Variants in FSCN3 observed in about 807,000 individuals in gnomAD.
FSCN3 encodes fascin-3.
FSCN3 carries 43 observed loss-of-function variants against 53.5 expected under a neutral mutation model. That is an observed-to-expected ratio of 0.80 (90% CI 0.63 to 1.04). FSCN3 has a LOEUF of 1.04. Among genes scored for constraint, FSCN3 ranks in the 50% least tolerant of loss-of-function variants. The probability of loss-of-function intolerance (pLI) is 0.00; values close to 1 mark genes in which losing one functional copy is unlikely to be tolerated. For synonymous variants in FSCN3, 235 were observed against 246.6 expected, an observed-to-expected ratio of 0.95 and a Z score of 0.44; for missense variants, 594 against 646.5, an observed-to-expected ratio of 0.92 and a Z score of 0.88.
chr7:127,600,665 G>A (rs1794460056), intron 6 of FSCN3, among the ~76,000 whole-genome samples: 1 of 152,202 alleles, frequency 6.6e-6, no homozygotes, highest in South Asian at 2.1e-4. Flanking sequence ...GCTTGGAGGG[G>A]ACAGGGTGAG....
chr7:127,599,532 G>A lies in FSCN3; in HGVS notation c.1272G>A (p.Pro424=), dbSNP rs763725735. 16 of 1,613,850 alleles carry A rather than the reference G, an allele frequency of 9.9e-6. No individual in the cohort carries two copies. The highest frequency in any genetic ancestry group is 3.3e-5 in the Admixed American group (2 of 59,972). ...GCATTCATCTACTACCCTGCCGACC[G>A]GGTATCTACCACTTCCAGGGTGAGT... is the stretch of plus-strand genomic sequence containing the variant. ...PDRIHLLPCR[P]GIYHFQAQGG... Residue 424 remains proline, a synonymous_variant, in exon 5 of 7, where the codon CCG becomes CCA. Transcript: ENST00000265825.
intron 6 of FSCN3, 107 bp from the exon 7 acceptor site, chr7:127,601,516 C>G (rs1052395677): frequency 2.0e-5 from 3 of 152,208 alleles, no homozygotes; most frequent in African/African-American, 7.2e-5. Flanking sequence ...GGATAAATCA[C>G]TATATTCTTT....
At chr7:127,594,049 T>C (rs1426841457) in intron 1 of FSCN3, 52 bp downstream of exon 1, 3 of 1,595,830 alleles carry the variant, frequency 1.9e-6, no homozygotes, top group Admixed American at 3.4e-5. Flanking sequence ...CCAAGCTGTG[T>C]GTGTGTGTGT....
Position 127,602,122 on chromosome 7 carries a change from C to T in FSCN3, c.*500C>T, listed in dbSNP as rs1049594934. 2.6e-5 allele frequency: 4 copies of T among 151,810 alleles called. No individual in the cohort carries two copies. Among genetic ancestry groups the T allele is most frequent in the South Asian group, 2.1e-4 (1 of 4,806 alleles). The allele number at this position is 151,810 out of a possible 1,614,324, so 9.4% of individuals were successfully genotyped here. ...TAGGCCACTTTACCTCCTCCTACCACGATTTATTTAACTTCCCCACCCATC... is the reference window on the plus strand; with the variant it reads ...TAGGCCACTTTACCTCCTCCTACCATGATTTATTTAACTTCCCCACCCATC... On this transcript the variant is annotated 3_prime_UTR_variant, in exon 7 of 7. Transcript: ENST00000265825.
chr7:127,599,644 T>C, intron 5 of FSCN3, 93 bp downstream of exon 5: 1 of 1,263,058 alleles, frequency 7.9e-7, no homozygotes, highest in Non-Finnish European at 1.1e-6. Flanking sequence ...CAGGGCTTGC[T>C]CATTATAAAA....
chr7:127,595,176 C>A, intron 1 of FSCN3, 131 bp from the exon 2 acceptor site: 1 of 702,698 alleles, frequency 1.4e-6, no homozygotes, highest in Non-Finnish European at 2.4e-6. Context: ...GATACCAGGG[C>A]TGATGTGGAA....
At position 127,595,709 on chromosome 7, in the gene FSCN3, C is replaced by G. The variant is rs908485703; in HGVS notation, c.547C>G (p.His183Asp). The G allele has an allele frequency of 5.6e-6, 9 of 1,613,912 alleles. No individual in the cohort carries two copies. Among genetic ancestry groups the G allele is most frequent in the Non-Finnish European group, 7.6e-6 (9 of 1,179,892 alleles). ...PCLEECGFLL[H>D]FRDGCYHLET... ...CCTGGAGGAGTGTGGCTTCCTGTTG[C>G]ATTTCCGAGATGGATGCTACCACCT... Residue 183 changes from histidine (H) to aspartate (D), a missense_variant, in exon 2 of 7, where the codon CAT becomes GAT. By Grantham distance (81) the His-to-Asp change is moderately conservative (BLOSUM62 -1). Transcript: ENST00000265825.
rs138368376 is a variant in FSCN3, at chr7:127,595,349, G to T, written c.187G>T (p.Val63Leu). 6.2e-6 allele frequency: 10 copies of T among 1,613,814 alleles called. No individual in the cohort carries two copies. Among genetic ancestry groups the T allele is most frequent in the Non-Finnish European group, 6.8e-6 (8 of 1,179,914 alleles). Residue 63 changes from valine to leucine, a missense_variant, in exon 2 of 7, where the codon GTG (valine) becomes TTG (leucine). Transcript: ENST00000265825. ...GAGCAATGAGCATGAGACACAGGCC[G>T]TGGTGCGACTAAAGAGCGTGCAGGG... ...LVSNEHETQA[V>L]VRLKSVQGLY...
At chr7:127,599,924 G>A (rs1289943751) in intron 5 of FSCN3, among the ~76,000 whole-genome samples, 16 of 111,384 alleles carry the variant, frequency 1.4e-4, no homozygotes, top group Non-Finnish European at 2.1e-4. Context: ...CAGCCTGGGC[G>A]ACACACCGAG....
intron 5 of FSCN3, among the ~76,000 whole-genome samples, chr7:127,599,945 CAA>C (rs760251179): frequency 2.5e-4 from 29 of 115,982 alleles, no homozygotes; most frequent in Admixed American, 3.5e-4. Flanking sequence ...ACTCCGTTTC[CAA>C]AAAAAAAAAA....
chr7:127,597,887 A>G (rs1403135045), intron 3 of FSCN3, among the ~76,000 whole-genome samples: 2 of 152,234 alleles, frequency 1.3e-5, no homozygotes, highest in African/African-American at 4.8e-5. Context: ...AGTGGTCTTC[A>G]TGTGTTCTAA....
At chr7:127,597,972 A>G (rs1473315779) in intron 3 of FSCN3, among the ~76,000 whole-genome samples, 1 of 152,206 alleles carries the variant, frequency 6.6e-6, no homozygotes, top group African/African-American at 2.4e-5. Context: ...TATTTGTTTA[A>G]TGGATCTTTT....
chr7:127,594,084 G>A (rs1459304834), intron 1 of FSCN3, 87 bp downstream of exon 1: 8 of 1,248,458 alleles, frequency 6.4e-6, no homozygotes, highest in Non-Finnish European at 8.7e-6. Context: ...GTGTGCGTGA[G>A]TGTATGTGTG....
chr7:127,598,373 T>C (rs1794421805), intron 3 of FSCN3, 62 bp from the exon 4 acceptor site: 1 of 1,480,124 alleles, frequency 6.8e-7, no homozygotes, highest in Non-Finnish European at 9.4e-7. Flanking sequence ...ATAAAACTGA[T>C]GGGAAGAAAG....
intron 1 of FSCN3, 39 bp downstream of exon 1, chr7:127,594,036 T>C: frequency 6.2e-7 from 1 of 1,606,464 alleles, no homozygotes; most frequent in Non-Finnish European, 8.5e-7. Flanking sequence ...GTTTTCTGAG[T>C]GGCCAAGCTG....
chr7:127,596,484 C>A, intron 3 of FSCN3, 38 bp downstream of exon 3: 1 of 935,326 alleles, frequency 1.1e-6, no homozygotes, highest in South Asian at 1.3e-5. Context: ...AAACCTTAAG[C>A]TCTGAGCTCT....
rs368404377 is a variant in FSCN3 at position 127,601,833 on chromosome 7, G to A, written c.*211G>A. The A allele has an allele frequency of 2.0e-3, 301 of 152,152 alleles. No homozygotes were observed. The highest frequency in any genetic ancestry group is 0.01 in the Middle Eastern group (3 of 294). 9.4% of individuals were successfully genotyped at this position (152,152 alleles called of 1,614,324 possible). On this transcript the variant is annotated 3_prime_UTR_variant, in exon 7 of 7. Coordinates refer to ENST00000265825, the MANE Select transcript of FSCN3 (RefSeq NM_020369.3). Reference sequence around the variant, plus strand: ...TGCATCTGACTCAATATAGAATAGGGGTCTGGATGAGGGTTGAAACAGACA... The same window carrying A: ...TGCATCTGACTCAATATAGAATAGGAGTCTGGATGAGGGTTGAAACAGACA...
Position 127,595,416 on chromosome 7 carries a change from G to A in FSCN3, c.254G>A (p.Gly85Asp). Residue 85 changes from glycine (G) to aspartate (D), a missense_variant, in exon 2 of 7, where the codon GGC becomes GAC. Coordinates refer to ENST00000265825, the MANE Select transcript of FSCN3 (RefSeq NM_020369.3). ...LCECDGTVCY[G>D]RPRTSHHGCF... ...GAGTGTGATGGCACCGTGTGTTATG[G>A]CCGCCCAAGGACCAGCCACCATGGG... 4 of 1,614,162 alleles carry A rather than the reference G, an allele frequency of 2.5e-6. No individual in the cohort carries two copies. The highest frequency in any genetic ancestry group is 3.4e-6 in the Non-Finnish European group (4 of 1,180,028).
intron 1 of FSCN3, among the ~76,000 whole-genome samples, 182 bp from the exon 2 acceptor site, chr7:127,595,122 TTGA>T (rs1794366253): frequency 6.6e-6 from 1 of 152,056 alleles, no homozygotes; most frequent in Admixed American, 6.5e-5. Flanking sequence ...CAGAGATCTC[TTGA>T]TGAGGGGATA....
Sources: gnomAD v4.1 joint callset for allele counts (sites outside exome capture counted in the v4.1 genomes callset) on GRCh38, gnomAD v4.1.1 for gene constraint, MANE v1.5 for transcripts, NCBI Gene and HGNC (gene_info 2026-07-23, HGNC 2026-07-21) for gene names.